Variants in MIPOL1 observed in about 807,000 individuals in gnomAD.
MIPOL1 encodes mirror-image polydactyly 1, also known as mirror-image polydactyly gene 1 protein.
Under a neutral mutation model 60.9 loss-of-function variants are expected in MIPOL1, and 57 were observed. The ratio of observed to expected loss-of-function variants is 0.94; its 90% CI spans 0.76 to 1.17. MIPOL1 has a LOEUF of 1.17. Among genes scored for constraint, MIPOL1 ranks in the 50% most tolerant of loss-of-function variants. The probability of loss-of-function intolerance (pLI) is 0.00; values close to 1 mark genes in which losing one functional copy is unlikely to be tolerated. For synonymous variants in MIPOL1, 179 were observed against 168.8 expected (o/e 1.06, Z -0.47); for missense variants, 551 against 511.6 (o/e 1.08, Z -0.74).
intron 11 of MIPOL1, among the ~76,000 whole-genome samples, chr14:37,434,003 G>A (rs2094121899): frequency 6.6e-6 from 1 of 152,190 alleles, no homozygotes; most frequent in Admixed American, 6.5e-5. Flanking sequence ...ACGTGTGCAT[G>A]TGTCTTTATC....
At position 37,197,989 on chromosome 14, in the gene MIPOL1, G is replaced by C. The variant is rs796878767; in HGVS notation, c.-314G>C. 6.6e-6 allele frequency: 1 copy of C among 152,208 alleles called. No individual in the cohort carries two copies. Among genetic ancestry groups the C allele is most frequent in the East Asian group, 1.9e-4 (1 of 5,174 alleles). The allele number at this position is 152,208 out of a possible 1,614,324, so 9.4% of individuals were successfully genotyped here. A position where few individuals can be genotyped will look rare whatever the true frequency, so the allele number is the denominator to read the frequency against. ...GCCGGATCGTCTGTGGGTGAGTCTC[G>C]AGCCAGGAGGCTCTGAGCCAGTGGC... is the stretch of plus-strand genomic sequence containing the variant. On this transcript the variant is annotated 5_prime_UTR_variant, in exon 1 of 13. Transcript: ENST00000684589.
At chr14:37,391,554 TCC>T (rs1377793370) in intron 10 of MIPOL1, among the ~76,000 whole-genome samples, 2 of 151,756 alleles carry the variant, frequency 1.3e-5, no homozygotes, top group Non-Finnish European at 2.9e-5. Context: ...TGCCACCACG[TCC>T]AGCTAATTTT....
intron 11 of MIPOL1, among the ~76,000 whole-genome samples, chr14:37,465,376 A>T (rs2094586100): frequency 6.6e-6 from 1 of 152,180 alleles, no homozygotes; most frequent in Non-Finnish European, 1.5e-5. Context: ...TAATAGTAGG[A>T]AACTATTTCT....
At chr14:37,395,137 T>A (rs1348962464) in intron 10 of MIPOL1, among the ~76,000 whole-genome samples, 2 of 152,208 alleles carry the variant, frequency 1.3e-5, no homozygotes, top group Non-Finnish European at 2.9e-5. Flanking sequence ...TTTATACCAG[T>A]ACCATGCTGT....
chr14:37,199,770 C>T (rs888179651), intron 1 of MIPOL1, among the ~76,000 whole-genome samples: 1 of 152,160 alleles, frequency 6.6e-6, no homozygotes, highest in Non-Finnish European at 1.5e-5. Context: ...GCTGATCCAC[C>T]TGCCTCAGCA....
intron 9 of MIPOL1, among the ~76,000 whole-genome samples, chr14:37,336,142 G>GTTTTTTTTTTTTTT (rs2090097545): frequency 7.6e-6 from 1 of 131,766 alleles, no homozygotes; most frequent in Non-Finnish European, 1.6e-5. Context: ...ATATTCAGTT[G>GTTTTTTTTTTTTTT]TCTTTGAACT....
intron 11 of MIPOL1, among the ~76,000 whole-genome samples, chr14:37,495,760 G>A (rs576740339): frequency 3.6e-4 from 54 of 150,842 alleles, no homozygotes; most frequent in East Asian, 1.4e-3. Flanking sequence ...GTGTAAAAGT[G>A]TTCCTATTTC....
intron 6 of MIPOL1, among the ~76,000 whole-genome samples, chr14:37,282,267 ATTATTT>A (rs2084172295): frequency 1.8e-5 from 2 of 110,416 alleles, no homozygotes; most frequent in African/African-American, 3.5e-5. Context: ...TATTATTATT[ATTATTT>A]AAGATGGAGT....
At chr14:37,379,164 A>T (rs1018812717) in intron 10 of MIPOL1, among the ~76,000 whole-genome samples, 6 of 152,062 alleles carry the variant, frequency 3.9e-5, no homozygotes, top group Non-Finnish European at 7.4e-5. Flanking sequence ...CCTCATACTT[A>T]TGGTCAATTG....
chr14:37,390,987 G>A (rs1479159745), intron 10 of MIPOL1, among the ~76,000 whole-genome samples: 1 of 152,022 alleles, frequency 6.6e-6, no homozygotes, highest in African/African-American at 2.4e-5. Context: ...TACAATTAAG[G>A]TAATAAACTC....
In MIPOL1 at chr14:37,428,439, A is replaced by C. The variant is rs372936308; in HGVS notation, c.1031+5490A>C. ...AACCCCATCTCTACAAAAAATACAA[A>C]ATTTAGCAAGGCATGGCGTGTGCCT... On this transcript the variant is annotated intron_variant, in intron 11 of 12. Coordinates refer to ENST00000684589, the MANE Select transcript of MIPOL1 (RefSeq NM_001388067.1). Among the ~76,000 whole-genome samples, 155 of 152,102 alleles carry C rather than the reference A, an allele frequency of 1.0e-3. 1 individual carries two copies. The highest frequency in any genetic ancestry group is 3.4e-3 in the African/African-American group (141 of 41,506).
intron 11 of MIPOL1, among the ~76,000 whole-genome samples, chr14:37,472,206 A>G (rs972877681): frequency 6.6e-6 from 1 of 152,206 alleles, no homozygotes; most frequent in African/African-American, 2.4e-5. Flanking sequence ...AATGTAAAAT[A>G]AAACTATGTA....
At chr14:37,510,353 T>A (rs2095318334) in intron 12 of MIPOL1, among the ~76,000 whole-genome samples, 1 of 152,110 alleles carries the variant, frequency 6.6e-6, no homozygotes, top group South Asian at 2.1e-4. Flanking sequence ...GAGCTGGGAC[T>A]ACAGGCATGC....
chr14:37,310,632 T>A (rs1314947370), intron 9 of MIPOL1, among the ~76,000 whole-genome samples: 1 of 152,182 alleles, frequency 6.6e-6, no homozygotes, highest in African/African-American at 2.4e-5. Flanking sequence ...TCATAAAATG[T>A]TTGATATTAG....
chr14:37,494,094 A>G (rs1344131670), intron 11 of MIPOL1, among the ~76,000 whole-genome samples: 1 of 152,214 alleles, frequency 6.6e-6, no homozygotes, highest in Non-Finnish European at 1.5e-5. Context: ...TTCAGTGGTT[A>G]CAGATTTATA....
chr14:37,413,259 A>G (rs2153541066), intron 10 of MIPOL1, among the ~76,000 whole-genome samples: 2 of 152,304 alleles, frequency 1.3e-5, no homozygotes, highest in Non-Finnish European at 2.9e-5. Flanking sequence ...TTAAATAATC[A>G]TTTAAATATA....
chr14:37,547,257 A>G lies in MIPOL1; in HGVS notation c.*286A>G. On this transcript the variant is annotated 3_prime_UTR_variant, in exon 13 of 13. Transcript: ENST00000684589. ...TTATATCTCAATATCTTTAATATAA[A>G]TCTTTTTACTGAGAGATCATTATAG... 1 of 309,646 alleles carries G rather than the reference A, an allele frequency of 3.2e-6. No individual in the cohort carries two copies. The highest frequency in any genetic ancestry group is 5.9e-6 in the Non-Finnish European group (1 of 168,354). The allele number at this position is 309,646 out of a possible 1,614,324, so 19.2% of individuals were successfully genotyped here. A position where few individuals can be genotyped will look rare whatever the true frequency, so the allele number is the denominator to read the frequency against.
chr14:37,228,063 C>T (rs1303407176), intron 1 of MIPOL1, among the ~76,000 whole-genome samples: 14 of 152,150 alleles, frequency 9.2e-5, no homozygotes, highest in Non-Finnish European at 2.1e-4. Flanking sequence ...GATTTTTACC[C>T]TGCCTTGACA....
At chr14:37,366,076 C>T (rs926663554) in intron 9 of MIPOL1, among the ~76,000 whole-genome samples, 3 of 151,740 alleles carry the variant, frequency 2.0e-5, no homozygotes, top group African/African-American at 7.3e-5. Flanking sequence ...TTTGAGTTTA[C>T]TTATTTGGAT....
Sources: allele counts gnomAD v4.1 joint callset (sites outside exome capture counted in the v4.1 genomes callset), GRCh38; gene constraint gnomAD v4.1.1; transcripts MANE v1.5; gene names NCBI Gene and HGNC (gene_info 2026-07-23, HGNC 2026-07-21).